The following PSPC1 variants were observed in gnomAD, a reference collection of about 807,000 sequenced individuals.
PSPC1 encodes the protein paraspeckle protein 1.
In PSPC1, 14 loss-of-function variants were observed where a neutral mutation model predicts 51.6. The ratio of observed to expected loss-of-function variants is 0.27; its 90% CI spans 0.18 to 0.42. The LOEUF is 0.42. PSPC1 is among the 10% of genes least tolerant of loss of function. The pLI is 1.00. For missense variants in PSPC1, 406 were observed against 701.1 expected, an observed-to-expected ratio of 0.58 and a Z score of 4.75; for synonymous variants, 193 against 231.9, an observed-to-expected ratio of 0.83 and a Z score of 1.53.
At chr13:19,753,220 T>G (rs1383590986) in intron 3 of PSPC1, among the ~76,000 whole-genome samples, 1 of 149,100 alleles carries the variant, frequency 6.7e-6, no homozygotes. Flanking sequence ...GAGACGGAGG[T>G]TACAGTGAGC....
chr13:19,720,546 T>C (rs1292023395), intron 6 of PSPC1, among the ~76,000 whole-genome samples: 1 of 152,234 alleles, frequency 6.6e-6, no homozygotes, highest in Non-Finnish European at 1.5e-5. Context: ...ACATATTTTC[T>C]TCTAAGTAAC....
intron 6 of PSPC1, among the ~76,000 whole-genome samples, chr13:19,723,425 T>G (rs2137871759): frequency 6.6e-6 from 1 of 152,312 alleles, no homozygotes; most frequent in East Asian, 1.9e-4. Flanking sequence ...TTACTAATAA[T>G]CATAGCATAT....
intron 1 of PSPC1, among the ~76,000 whole-genome samples, chr13:19,779,637 T>G (rs1889663391): frequency 3.3e-5 from 1 of 29,914 alleles, no homozygotes. Context: ...TACTGGGAAG[T>G]GAGGAGCCCC....
At chr13:19,731,411 GT>G (rs1884098968) in intron 5 of PSPC1, among the ~76,000 whole-genome samples, 1 of 23,054 alleles carries the variant, frequency 4.3e-5, no homozygotes, top group South Asian at 3.8e-3. Context: ...ATCTGGATTT[GT>G]TGTTGTTGTT....
chr13:19,690,840 G>A (rs934008412), intron 6 of PSPC1, among the ~76,000 whole-genome samples: 9 of 152,078 alleles, frequency 5.9e-5, no homozygotes, highest in African/African-American at 1.7e-4. Context: ...TTCTACCAAC[G>A]TCTATTAAGA....
At chr13:19,760,688 T>C (rs1225809558) in intron 2 of PSPC1, among the ~76,000 whole-genome samples, 1 of 151,820 alleles carries the variant, frequency 6.6e-6, no homozygotes, top group Non-Finnish European at 1.5e-5. Flanking sequence ...ATCCTGTCTC[T>C]ATAAAAAATT....
At chr13:19,676,622 C>T (rs1038956869) in intron 7 of PSPC1, among the ~76,000 whole-genome samples, 7 of 152,204 alleles carry the variant, frequency 4.6e-5, no homozygotes, top group African/African-American at 1.7e-4. Flanking sequence ...TTGCAGGACT[C>T]TGTGTCCTGT....
At chr13:19,751,235 A>C (rs780638181) in intron 4 of PSPC1, 36 bp downstream of exon 4, 1 of 1,483,652 alleles carries the variant, frequency 6.7e-7, no homozygotes, top group South Asian at 1.5e-5. Context: ...GGGAAAAAAA[A>C]AATCATACCA....
chr13:19,773,531 C>A (rs1244303209), intron 1 of PSPC1, among the ~76,000 whole-genome samples: 1 of 152,156 alleles, frequency 6.6e-6, no homozygotes, highest in Non-Finnish European at 1.5e-5. Context: ...AGCCACCGCA[C>A]CCGGCCTGTT....
In PSPC1 at chr13:19,782,404, G is replaced by C; in HGVS notation, c.354C>G (p.Gly118=). The change falls in exon 1 of 9, where the codon GGC becomes GGG. Residue 118 remains glycine, a synonymous_variant. Coordinates refer to ENST00000338910, the MANE Select transcript of PSPC1 (RefSeq NM_001354909.2). This position sits in a 1 kb window ranked among gnomAD's most constrained non-coding sequence, Gnocchi z 4.5. ...PSEVFINRDR[G]FGFIRLESRT... Reference sequence around the variant, plus strand: ...CACTCACCAAGCGGATGAAGCCGAAGCCACGGTCCCGGTTGATGAAGACTT... The same window carrying C: ...CACTCACCAAGCGGATGAAGCCGAACCCACGGTCCCGGTTGATGAAGACTT... 6.3e-7 allele frequency: 1 copy of C among 1,591,762 alleles called. No individual in the cohort carries two copies. The highest frequency in any genetic ancestry group is 8.6e-7 in the Non-Finnish European group (1 of 1,168,960).
chr13:19,775,377 A>T (rs1057315571), intron 1 of PSPC1, among the ~76,000 whole-genome samples: 9 of 152,248 alleles, frequency 5.9e-5, no homozygotes, highest in Non-Finnish European at 8.8e-5. Flanking sequence ...CAAAAAAAAA[A>T]AATAAACCAA....
chr13:19,739,477 G>A (rs1885190045), intron 5 of PSPC1, among the ~76,000 whole-genome samples: 1 of 152,196 alleles, frequency 6.6e-6, no homozygotes, highest in Admixed American at 6.6e-5. Flanking sequence ...GCCGGGCGTG[G>A]TGGCTCACAC....
rs776974814 is a variant in PSPC1, at chr13:19,772,223, CA to C, written c.674+18del. 3 of 1,604,676 alleles carry C rather than the reference CA, an allele frequency of 1.9e-6. No homozygotes were observed. Among genetic ancestry groups the C allele is most frequent in the Non-Finnish European group, 2.6e-6 (3 of 1,175,196 alleles). On this transcript the variant is annotated intron_variant, in intron 2 of 8. Transcript: ENST00000338910. Reference sequence around the variant, plus strand: ...CATATGTAACTGGATAGAAGAAGGACAAGATATTTAAAACTTACGTTGTTAG... The same window carrying C: ...CATATGTAACTGGATAGAAGAAGGACAGATATTTAAAACTTACGTTGTTAG...
At chr13:19,743,936 C>T (rs1412670105) in intron 4 of PSPC1, among the ~76,000 whole-genome samples, 5 of 151,902 alleles carry the variant, frequency 3.3e-5, no homozygotes, top group African/African-American at 1.2e-4. Flanking sequence ...GGAGAAACCC[C>T]GTCTCTACTA....
chr13:19,738,046 A>C (rs9506365), intron 5 of PSPC1, among the ~76,000 whole-genome samples: 121,975 of 152,120 alleles, frequency 0.8, 50,228 homozygotes, highest in East Asian at 0.96. Flanking sequence ...GCTATGATTG[A>C]GACACTGCAC....
chr13:19,709,220 G>C (rs1010163124), intron 7 of PSPC1, among the ~76,000 whole-genome samples: 14 of 139,866 alleles, frequency 1.0e-4, no homozygotes, highest in Non-Finnish European at 1.7e-4. Flanking sequence ...AAACTGCAAA[G>C]ACAGAGCTGT....
intron 7 of PSPC1, among the ~76,000 whole-genome samples, chr13:19,677,232 CAAA>C (rs144841164): frequency 0.013 from 1,521 of 119,132 alleles, 19 homozygotes; most frequent in African/African-American, 0.043. Context: ...GACTCCGTCT[CAAA>C]AAAAAAAAAA....
rs536986251 is a variant in PSPC1 at position 19,730,160 on chromosome 13, C to A, written c.1158+79G>T. On this transcript the variant is annotated intron_variant, in intron 6 of 8. Transcript: ENST00000338910. ...AGATTAGAAAAGACTACTGTATAAA[C>A]CAAAATCTAAAGCATTCTAAATATG... The A allele has an allele frequency of 3.8e-5, 49 of 1,273,066 alleles. No homozygotes were observed. In the East Asian group the frequency reaches 1.1e-3, roughly 28 times the overall value. 78.9% of individuals were successfully genotyped at this position (1,273,066 alleles called of 1,614,324 possible).
In PSPC1 at chr13:19,782,340, AC is replaced by A; in HGVS notation, c.372+45del. Reference sequence around the variant, plus strand: ...GCCTCAGCCCCACGACCCCGCGGCCACCCCGACAGTCCTTTTGTTCCCTCGC... The same window carrying A: ...GCCTCAGCCCCACGACCCCGCGGCCACCCGACAGTCCTTTTGTTCCCTCGC... On this transcript the variant is annotated intron_variant, in intron 1 of 8. Transcript: ENST00000338910. The surrounding 1 kb of genome is among the most constrained non-coding windows in gnomAD (Gnocchi z 4.5). 1 of 1,526,002 alleles carries A rather than the reference AC, an allele frequency of 6.6e-7. No homozygotes were observed. Among genetic ancestry groups the A allele is most frequent in the Non-Finnish European group, 8.8e-7 (1 of 1,138,338 alleles). 94.5% of individuals were successfully genotyped at this position (1,526,002 alleles called of 1,614,324 possible).
Sources: gnomAD v4.1 joint callset for allele counts (sites outside exome capture counted in the v4.1 genomes callset) on GRCh38, gnomAD v4.1.1 for gene constraint, Gnocchi (gnomAD v3.1) non-coding constraint, MANE v1.5 for transcripts, NCBI Gene and HGNC (gene_info 2026-07-23, HGNC 2026-07-21) for gene names.